Variants in HBS1L observed in about 807,000 individuals in gnomAD.
The protein encoded by HBS1L is HBS1-like protein.
HBS1L carries 55 observed loss-of-function variants against 88.9 expected under a neutral mutation model. The observed-to-expected ratio is 0.62, with a 90% CI of 0.50 to 0.77. HBS1L has a LOEUF of 0.77. Ranked by LOEUF, HBS1L falls within the 30% of genes least tolerant of loss-of-function variation. The pLI, the probability that HBS1L is intolerant of heterozygous loss-of-function variation, is 0.00. For synonymous variants in HBS1L, 267 were observed against 288.5 expected (o/e 0.93, Z 0.76); for missense variants, 741 against 829.3 (o/e 0.89, Z 1.31).
chr6:134,989,233 C>A (rs1309821217), intron 8 of HBS1L, among the ~76,000 whole-genome samples: 1 of 152,198 alleles, frequency 6.6e-6, no homozygotes, highest in Non-Finnish European at 1.5e-5. Context: ...TCTGTCAATG[C>A]ACTGTAGGGG....
rs1774268687 is a variant in HBS1L, at chr6:134,964,979, T to C, written c.*300A>G. 1 of 422,658 alleles carries C rather than the reference T, an allele frequency of 2.4e-6. No homozygotes were observed. The highest frequency in any genetic ancestry group is 4.2e-6 in the Non-Finnish European group (1 of 235,688). The allele number at this position is 422,658 out of a possible 1,614,324, so 26.2% of individuals were successfully genotyped here. A position where few individuals can be genotyped will look rare whatever the true frequency, so the allele number is the denominator to read the frequency against. On this transcript the variant is annotated 3_prime_UTR_variant, in exon 18 of 18. Transcript: ENST00000367837. ...AGAAGTAGAGTTCATTTCATGATGA[T>C]TCAGTATCTTCAGATACTATTTTTG...
At chr6:135,021,947 A>G (rs890472749) in intron 4 of HBS1L, among the ~76,000 whole-genome samples, 3 of 152,166 alleles carry the variant, frequency 2.0e-5, no homozygotes, top group African/African-American at 4.8e-5. Flanking sequence ...AAAGCTTTAC[A>G]GACAACCAAG....
chr6:134,983,798 A>T (rs1327969660), intron 12 of HBS1L, among the ~76,000 whole-genome samples: 1 of 152,158 alleles, frequency 6.6e-6, no homozygotes, highest in Non-Finnish European at 1.5e-5. Context: ...AAGAGGACTG[A>T]GGCAGCAGAA....
chr6:134,985,052 G>A (rs1018882012), intron 12 of HBS1L, among the ~76,000 whole-genome samples: 1 of 151,918 alleles, frequency 6.6e-6, no homozygotes, highest in Admixed American at 6.6e-5. Context: ...GAAAACTAAA[G>A]GAATCTAATG....
intron 4 of HBS1L, among the ~76,000 whole-genome samples, chr6:135,030,503 T>C (rs1430551080): frequency 6.6e-6 from 1 of 152,072 alleles, no homozygotes; most frequent in East Asian, 1.9e-4. Flanking sequence ...AATGAGTTCA[T>C]AAAAGGGCTC....
intron 15 of HBS1L, among the ~76,000 whole-genome samples, chr6:134,976,995 A>G (rs2114762994): frequency 6.6e-6 from 1 of 152,204 alleles, no homozygotes; most frequent in East Asian, 1.9e-4. Flanking sequence ...AATAGGGAAA[A>G]TTTAAATATA....
rs543362165 is a variant in HBS1L, at chr6:135,034,146, T to TA, written c.430+5426dup. ...ACAAGAAATCAAGAAGTGTTTGGTT[T>TA]AAAAAAAAAAAAGACATAATGCCAT... On this transcript the variant is annotated intron_variant, in intron 4 of 17. Transcript: ENST00000367837. Among the ~76,000 whole-genome samples the TA allele has an allele frequency of 4.2e-3, 600 of 144,450 alleles. 1 individual carries two copies. The highest frequency in any genetic ancestry group is 0.012 in the African/African-American group (473 of 39,554). The allele number at this position is 144,450 out of a possible 152,430, so 94.8% of individuals were successfully genotyped here.
chr6:135,052,949 T>C (rs1186783297), intron 1 of HBS1L, among the ~76,000 whole-genome samples: 1 of 152,206 alleles, frequency 6.6e-6, no homozygotes, highest in Non-Finnish European at 1.5e-5. Flanking sequence ...TAAATTATTA[T>C]TCTGAGAATT....
At chr6:134,980,888 A>C (rs899404202) in intron 13 of HBS1L, among the ~76,000 whole-genome samples, 3 of 151,976 alleles carry the variant, frequency 2.0e-5, no homozygotes, top group Non-Finnish European at 4.4e-5. Context: ...GCTTTCAAGA[A>C]TCAAGTAAAC....
In HBS1L at chr6:135,006,472, T is replaced by G. The variant is rs543205249; in HGVS notation, c.431-3630A>C. Among the ~76,000 whole-genome samples the G allele has an allele frequency of 1.2e-3, 190 of 152,128 alleles. 1 individual carries two copies. Among genetic ancestry groups the G allele is most frequent in the African/African-American group, 4.4e-3 (183 of 41,494 alleles). ...TCTCCCATGAGTAAGGAGAAATGAC[T>G]GTGAGGCTGTTCACTAGATGACAGC... On this transcript the variant is annotated intron_variant, in intron 4 of 17. Coordinates refer to ENST00000367837, the MANE Select transcript of HBS1L (RefSeq NM_006620.4).
At chr6:135,037,557 A>G in intron 4 of HBS1L, 1 of 1,550,294 alleles carries the variant, frequency 6.5e-7, no homozygotes, top group Non-Finnish European at 8.7e-7. Flanking sequence ...AATTATTTTG[A>G]ATATATAAAG....
At chr6:135,041,945 G>C in intron 3 of HBS1L, 56 bp downstream of exon 3, 1 of 1,485,064 alleles carries the variant, frequency 6.7e-7, no homozygotes, top group Non-Finnish European at 9.3e-7. Context: ...GATAAATTCT[G>C]GTGTATTTGG....
At chr6:135,012,574 T>C (rs1163870971) in intron 4 of HBS1L, among the ~76,000 whole-genome samples, 1 of 152,158 alleles carries the variant, frequency 6.6e-6, no homozygotes, top group Non-Finnish European at 1.5e-5. Flanking sequence ...GCTAATAAAA[T>C]ATACTCTGTA....
chr6:135,054,608 T>C lies in HBS1L; in HGVS notation c.43+41A>G, dbSNP rs372971004. On this transcript the variant is annotated intron_variant, in intron 1 of 17. Coordinates refer to ENST00000367837, the MANE Select transcript of HBS1L (RefSeq NM_006620.4). ...TGCCAACGGGCTAGGATCCCAGCTG[T>C]AGCCGGGAAAAGAACGTCCCGGCAT... 27 of 1,603,658 alleles carry C rather than the reference T, an allele frequency of 1.7e-5. No homozygotes were observed. In the African/African-American group the frequency reaches 2.8e-4, roughly 17 times the overall value.
At position 134,982,576 on chromosome 6, in the gene HBS1L, C is replaced by A; in HGVS notation, c.1493-14G>T. 6.8e-7 allele frequency: 1 copy of A among 1,470,198 alleles called. No individual in the cohort carries two copies. The highest frequency in any genetic ancestry group is 9.5e-7 in the Non-Finnish European group (1 of 1,051,024). The allele number at this position is 1,470,198 out of a possible 1,614,324, so 91.1% of individuals were successfully genotyped here. A position where few individuals can be genotyped will look rare whatever the true frequency, so the allele number is the denominator to read the frequency against. On this transcript the variant is annotated splice_polypyrimidine_tract_variant and intron_variant, in intron 12 of 17. Coordinates refer to ENST00000367837, the MANE Select transcript of HBS1L (RefSeq NM_006620.4). Reference sequence around the variant, plus strand: ...CAGATCCTTGATCTGCAAAACATACCAAAATCTTATGGTTCATACAGCAAT... The same window carrying A: ...CAGATCCTTGATCTGCAAAACATACAAAAATCTTATGGTTCATACAGCAAT...
intron 4 of HBS1L, among the ~76,000 whole-genome samples, chr6:135,006,497 C>T (rs1017642122): frequency 5.9e-5 from 9 of 151,666 alleles, no homozygotes; most frequent in Non-Finnish European, 8.8e-5. Context: ...TAGATGACAG[C>T]AGTAAAGACT....
intron 4 of HBS1L, among the ~76,000 whole-genome samples, chr6:135,022,576 C>A (rs928007041): frequency 6.6e-6 from 1 of 152,084 alleles, no homozygotes; most frequent in East Asian, 1.9e-4. Context: ...ACAAAGCCCA[C>A]ATAATTTTAA....
At chr6:135,048,347 C>T (rs1353700718) in intron 2 of HBS1L, among the ~76,000 whole-genome samples, 3 of 152,202 alleles carry the variant, frequency 2.0e-5, no homozygotes, top group African/African-American at 7.2e-5. Context: ...CACGACCAGC[C>T]AGTAGGTTGG....
At chr6:134,977,470 C>A (rs765414667) in intron 15 of HBS1L, among the ~76,000 whole-genome samples, 1 of 151,928 alleles carries the variant, frequency 6.6e-6, no homozygotes, top group Non-Finnish European at 1.5e-5. Context: ...ATTTAAGTAT[C>A]TTCAACTATA....
Sources: allele counts gnomAD v4.1 joint callset (sites outside exome capture counted in the v4.1 genomes callset), GRCh38; gene constraint gnomAD v4.1.1; transcripts MANE v1.5; gene names NCBI Gene and HGNC (gene_info 2026-07-23, HGNC 2026-07-21).